The following PTGER3 variants were observed in gnomAD, a reference collection of about 807,000 sequenced individuals.
PTGER3 encodes prostaglandin E2 receptor EP3 subtype.
In PTGER3, 22 loss-of-function variants were observed where a neutral mutation model predicts 34.7. The ratio of observed to expected loss-of-function variants is 0.63; its 90% CI spans 0.45 to 0.91. The LOEUF (loss-of-function observed/expected upper bound fraction) is 0.91, where lower values mean the gene tolerates loss of function less well. Ranked by LOEUF, PTGER3 falls within the 40% of genes least tolerant of loss-of-function variation. PTGER3 has a pLI of 0.00. For missense variants in PTGER3, 468 were observed against 519.4 expected (o/e 0.90, Z 0.96); for synonymous variants, 241 against 230.1 (o/e 1.05, Z -0.43).
chr1:70,968,247 T>C (rs922580385), downstream of PTGER3, among the ~76,000 whole-genome samples: 1 of 152,218 alleles, frequency 6.6e-6, no homozygotes, highest in African/African-American at 2.4e-5. Context: ...GAATATATTA[T>C]ATGTATAGTC....
chr1:70,960,083 G>A lies in PTGER3; in HGVS notation c.1078-6294C>T, dbSNP rs139293075. 3.3e-5 allele frequency among the ~76,000 whole-genome samples: 5 copies of A among 152,122 alleles called. No individual in the cohort carries two copies. The South Asian group carries it at 1.0e-3, about 32-fold the overall frequency. ...CATCTACAAACCAAGAAACTCCAAA[G>A]CTTGCTGGCAGAAGCTATAAGAAAG... On this transcript the variant is annotated intron_variant, in intron 2 of 3. Coordinates refer to the PTGER3 transcript ENST00000356595.
chr1:70,867,825 T>G (rs985845417), intron 4 of PTGER3, among the ~76,000 whole-genome samples: 1 of 151,908 alleles, frequency 6.6e-6, no homozygotes, highest in Non-Finnish European at 1.5e-5. Context: ...CTACTTGGAG[T>G]CACAAGACAG....
chr1:70,997,173 G>C (rs1656066798), intron 2 of PTGER3: 1 of 152,264 alleles, frequency 6.6e-6, no homozygotes, highest in Non-Finnish European at 1.5e-5. Context: ...TTGGGAGGCT[G>C]AGGCAGGAGA....
intron 4 of PTGER3, among the ~76,000 whole-genome samples, chr1:70,865,091 GA>G (rs139294246): frequency 2.0e-5 from 3 of 149,812 alleles, no homozygotes; most frequent in Non-Finnish European, 4.5e-5. Context: ...AAGAAAATAT[GA>G]AAAAAAATGA....
At chr1:70,942,005 A>C (rs1454879671) in intron 4 of PTGER3, among the ~76,000 whole-genome samples, 2 of 152,156 alleles carry the variant, frequency 1.3e-5, no homozygotes, top group Non-Finnish European at 2.9e-5. Flanking sequence ...TATGTACAAA[A>C]TGCCTGTCTT....
chr1:70,944,916 T>C (rs888336105), intron 4 of PTGER3, among the ~76,000 whole-genome samples: 2 of 152,138 alleles, frequency 1.3e-5, no homozygotes, highest in African/African-American at 4.8e-5. Flanking sequence ...AAATCATAAG[T>C]AGATTTTCCC....
At chr1:70,873,123 CT>C in intron 4 of PTGER3, among the ~76,000 whole-genome samples, 1 of 152,204 alleles carries the variant, frequency 6.6e-6, no homozygotes, top group Non-Finnish European at 1.5e-5. Context: ...TTTTAAGTGT[CT>C]TTTGGTTTTC....
intron 2 of PTGER3, among the ~76,000 whole-genome samples, chr1:70,961,459 C>G (rs778604873): frequency 6.6e-6 from 1 of 152,168 alleles, no homozygotes; most frequent in Non-Finnish European, 1.5e-5. Flanking sequence ...TTTTTATGAA[C>G]ATGTGCCTTG....
chr1:71,010,502 C>T lies in PTGER3; in HGVS notation c.1077+1803G>A, dbSNP rs74087164. The stretch of plus-strand genomic sequence containing the variant: ...CTGGAAGGAATAACCTAATCATGCT[C>T]ATGCCACTCAAATTCACATTGCCTC... On this transcript the variant is annotated intron_variant, in intron 2 of 3. Transcript: ENST00000306666. 4.5e-4 allele frequency: 442 copies of T among 984,118 alleles called. 5 individuals are homozygous for T. In the African/African-American group the frequency reaches 7.2e-3, roughly 16 times the overall value. The allele number at this position is 984,118 out of a possible 1,614,324, so 61.0% of individuals were successfully genotyped here. A position where few individuals can be genotyped will look rare whatever the true frequency, so the allele number is the denominator to read the frequency against.
intron 2 of PTGER3, among the ~76,000 whole-genome samples, chr1:70,999,385 TG>T (rs1210059806): frequency 6.6e-6 from 1 of 152,178 alleles, no homozygotes; most frequent in Non-Finnish European, 1.5e-5. Context: ...AAGAGAAAAC[TG>T]GTGAATGAAT....
intron 2 of PTGER3, chr1:71,008,570 T>A (rs1307690243): frequency 1.0e-6 from 1 of 979,830 alleles, no homozygotes; most frequent in Non-Finnish European, 1.2e-6. Flanking sequence ...TTAGGTTGGT[T>A]ATTAAATTTT....
At chr1:70,894,897 A>C (rs12039590) in intron 4 of PTGER3, among the ~76,000 whole-genome samples, 37,671 of 152,122 alleles carry the variant, frequency 0.25, 5,128 homozygotes, top group Middle Eastern at 0.33. Flanking sequence ...CCTATATCTG[A>C]CACCAAAATC....
chr1:70,886,755 G>C (rs1005428265), intron 4 of PTGER3, among the ~76,000 whole-genome samples: 1 of 152,128 alleles, frequency 6.6e-6, no homozygotes, highest in Non-Finnish European at 1.5e-5. Flanking sequence ...TTTATCTCCA[G>C]GGCTAAGCAC....
chr1:71,007,992 C>T, intron 2 of PTGER3: 2 of 985,262 alleles, frequency 2.0e-6, no homozygotes, highest in Non-Finnish European at 2.4e-6. Flanking sequence ...ACAAAGCAGA[C>T]TTACTACACA....
At chr1:71,036,706 G>A (rs907723825) in intron 1 of PTGER3, among the ~76,000 whole-genome samples, 2 of 151,948 alleles carry the variant, frequency 1.3e-5, no homozygotes, top group African/African-American at 4.8e-5. Flanking sequence ...GGGTGTGGTG[G>A]TGGGCTCCTG....
Position 70,971,582 on chromosome 1 carries a change from A to G in PTGER3, c.*148T>C, listed in dbSNP as rs1653083045. 2 of 1,325,734 alleles carry G rather than the reference A, an allele frequency of 1.5e-6. No homozygotes were observed. Among genetic ancestry groups the G allele is most frequent in the Admixed American group, 3.1e-5 (1 of 31,990 alleles). 82.1% of individuals were successfully genotyped at this position (1,325,734 alleles called of 1,614,324 possible). On this transcript the variant is annotated 3_prime_UTR_variant, in exon 4 of 4. Transcript: ENST00000306666. ...AATAATAAAGTTGATCTCCATGGGT[A>G]TTACTGACAAAACAATCATTAAAAT...
At chr1:70,863,401 C>T (rs1645971698) in intron 4 of PTGER3, among the ~76,000 whole-genome samples, 1 of 152,150 alleles carries the variant, frequency 6.6e-6, no homozygotes, top group Admixed American at 6.5e-5. Context: ...TTTCACTGTC[C>T]TGTCTTCAGA....
intron 2 of PTGER3, among the ~76,000 whole-genome samples, chr1:71,005,647 C>G (rs1335645311): frequency 6.6e-6 from 1 of 152,110 alleles, no homozygotes; most frequent in Non-Finnish European, 1.5e-5. Context: ...AAGGAAAGAG[C>G]AAGCCTGCAG....
At position 71,046,921 on chromosome 1, in the gene PTGER3, A is replaced by G. The variant is rs1660879137; in HGVS notation, c.657T>C (p.Thr219=). The G allele has an allele frequency of 6.2e-7, 1 of 1,610,230 alleles. No individual in the cohort carries two copies. The highest frequency in any genetic ancestry group is 8.5e-7 in the Non-Finnish European group (1 of 1,178,272). Residue 219 remains threonine (T), a synonymous_variant, in exon 1 of 4, where the codon ACT becomes ACC. Coordinates refer to ENST00000306666, the MANE Select transcript of PTGER3 (RefSeq NM_198719.2). ...FISTGRGGNG[T]SSSHNWGNLF... ...GGTTGCCCCAGTTATGCGAAGAGCT[A>G]GTCCCGTTGCCCCCTCGCCCGGTGC... is the stretch of plus-strand genomic sequence containing the variant.
Sources: allele counts gnomAD v4.1 joint callset (sites outside exome capture counted in the v4.1 genomes callset), GRCh38; gene constraint gnomAD v4.1.1; transcripts MANE v1.5; gene names NCBI Gene and HGNC (gene_info 2026-07-23, HGNC 2026-07-21).